Variants in BABAM2 observed in about 807,000 individuals in gnomAD.
The protein encoded by BABAM2 is BRISC and BRCA1-A complex member 2.
In BABAM2, 31 loss-of-function variants were observed where a neutral mutation model predicts 54.7. That is an observed-to-expected ratio of 0.57 (90% CI 0.43 to 0.77). BABAM2 has a LOEUF of 0.77. Ranked by LOEUF, BABAM2 falls within the 30% of genes least tolerant of loss-of-function variation. BABAM2 has a pLI of 0.00. For synonymous variants in BABAM2, 167 were observed against 162.9 expected (o/e 1.03, Z -0.19); for missense variants, 364 against 455.8 (o/e 0.80, Z 1.83).
chr2:28,260,453 C>T (rs1326473256), intron 10 of BABAM2, among the ~76,000 whole-genome samples: 1 of 149,532 alleles, frequency 6.7e-6, no homozygotes, highest in South Asian at 2.1e-4. Flanking sequence ...AGGTGCCTAC[C>T]ACCACGCCCG....
chr2:28,134,721 A>C (rs1670392627), intron 7 of BABAM2: 1 of 152,228 alleles, frequency 6.6e-6, no homozygotes, highest in African/African-American at 2.4e-5. Context: ...TGCAATATGC[A>C]TGTTTGTTCT....
At chr2:27,908,533 A>T (rs2148297359) in intron 2 of BABAM2, among the ~76,000 whole-genome samples, 1 of 152,204 alleles carries the variant, frequency 6.6e-6, no homozygotes, top group South Asian at 2.1e-4. Context: ...TTGGCCTCTC[A>T]AAGTGCTGGA....
chr2:27,981,569 A>G (rs923454915), intron 3 of BABAM2, among the ~76,000 whole-genome samples: 1 of 152,156 alleles, frequency 6.6e-6, no homozygotes, highest in South Asian at 2.1e-4. Flanking sequence ...ATGAATTTTC[A>G]TATTCTAGAC....
intron 3 of BABAM2, 151 bp from the exon 4 acceptor site, chr2:27,987,842 T>A: frequency 1.6e-6 from 1 of 623,404 alleles, no homozygotes; most frequent in Middle Eastern, 3.5e-4. Context: ...AGATATCAGT[T>A]TATTTGAAGA....
chr2:27,977,538 A>G (rs1038310063), intron 3 of BABAM2, among the ~76,000 whole-genome samples: 1 of 152,248 alleles, frequency 6.6e-6, no homozygotes, highest in African/African-American at 2.4e-5. Flanking sequence ...AATAAGAAGC[A>G]TAATAGGAGT....
At chr2:28,190,185 G>T (rs921928319) in intron 7 of BABAM2, among the ~76,000 whole-genome samples, 5 of 152,138 alleles carry the variant, frequency 3.3e-5, no homozygotes, top group Non-Finnish European at 7.4e-5. Context: ...AAAATTATAG[G>T]TATTGTCTTA....
At chr2:27,992,872 T>C (rs1045402633) in intron 4 of BABAM2, among the ~76,000 whole-genome samples, 2 of 152,200 alleles carry the variant, frequency 1.3e-5, no homozygotes, top group African/African-American at 4.8e-5. Context: ...CCATTTTTTA[T>C]TTACTCTACC....
intron 4 of BABAM2, among the ~76,000 whole-genome samples, chr2:28,024,079 T>C (rs1232414295): frequency 6.6e-6 from 1 of 152,072 alleles, no homozygotes; most frequent in African/African-American, 2.4e-5. Flanking sequence ...TTGTCACACA[T>C]ACTCAGTTAA....
intron 5 of BABAM2, among the ~76,000 whole-genome samples, chr2:28,029,816 A>G (rs1168761735): frequency 6.6e-6 from 1 of 152,228 alleles, no homozygotes; most frequent in Non-Finnish European, 1.5e-5. Flanking sequence ...ATTCCCATCA[A>G]CAGTGCATGG....
intron 6 of BABAM2, among the ~76,000 whole-genome samples, chr2:28,048,991 C>G (rs892660749): frequency 1.3e-5 from 2 of 152,136 alleles, no homozygotes; most frequent in Admixed American, 1.3e-4. Flanking sequence ...GTTTTTGCTT[C>G]TGTTTTCTGT....
chr2:28,298,173 T>C (rs990430455), intron 10 of BABAM2, among the ~76,000 whole-genome samples, 165 bp from the exon 11 acceptor site: 1 of 152,134 alleles, frequency 6.6e-6, no homozygotes, highest in African/African-American at 2.4e-5. Flanking sequence ...GAAGTCACTT[T>C]GTATTTCTTG....
chr2:28,063,201 T>C (rs991782841), intron 6 of BABAM2, among the ~76,000 whole-genome samples: 1 of 152,226 alleles, frequency 6.6e-6, no homozygotes, highest in African/African-American at 2.4e-5. Context: ...GAGATATTTG[T>C]AAGCTTGAAT....
At chr2:28,070,556 C>CTT (rs35933472) in intron 6 of BABAM2, among the ~76,000 whole-genome samples, 96,076 of 147,182 alleles carry the variant, frequency 0.65, 32,896 homozygotes, top group Middle Eastern at 0.81. Context: ...CTTTTCTTTT[C>CTT]TTTTTTTTTT....
intron 3 of BABAM2, among the ~76,000 whole-genome samples, chr2:27,936,621 A>G (rs1230938658): frequency 6.6e-6 from 1 of 152,258 alleles, no homozygotes; most frequent in Non-Finnish European, 1.5e-5. Context: ...TGCAGCCACA[A>G]GAAATGATGA....
chr2:28,009,285 A>T (rs1259095097), intron 4 of BABAM2, among the ~76,000 whole-genome samples: 2 of 152,120 alleles, frequency 1.3e-5, no homozygotes, highest in Non-Finnish European at 2.9e-5. Context: ...TTCCACAGTT[A>T]TTCTGATGAT....
intron 5 of BABAM2, among the ~76,000 whole-genome samples, chr2:28,040,770 T>C (rs1385714774): frequency 1.3e-5 from 2 of 152,238 alleles, no homozygotes; most frequent in Admixed American, 6.5e-5. Context: ...ATAGTATTGT[T>C]TCTTTTATTA....
chr2:27,909,477 G>A (rs1025085746), intron 2 of BABAM2, among the ~76,000 whole-genome samples: 1 of 152,146 alleles, frequency 6.6e-6, no homozygotes, highest in African/African-American at 2.4e-5. Context: ...TCAGATAGAT[G>A]TATGATTTGC....
At chr2:28,113,416 C>G (rs888271598) in intron 6 of BABAM2, among the ~76,000 whole-genome samples, 4 of 152,044 alleles carry the variant, frequency 2.6e-5, no homozygotes, top group African/African-American at 9.7e-5. Context: ...AATCTTTTCC[C>G]CATTGCTTGT....
chr2:28,280,199 C>T (rs1340478350), intron 10 of BABAM2, among the ~76,000 whole-genome samples: 1 of 151,892 alleles, frequency 6.6e-6, no homozygotes, highest in African/African-American at 2.4e-5. Context: ...GCTGGGACTA[C>T]AGGCACAGGC....
Sources: allele counts gnomAD v4.1 joint callset (sites outside exome capture counted in the v4.1 genomes callset), GRCh38; gene constraint gnomAD v4.1.1; transcripts MANE v1.5; gene names NCBI Gene and HGNC (gene_info 2026-07-23, HGNC 2026-07-21).